Variants in SEZ6L observed in about 807,000 individuals in gnomAD.
The protein encoded by SEZ6L is seizure 6-like protein.
Under a neutral mutation model 106.2 loss-of-function variants are expected in SEZ6L, and 37 were observed. That is an observed-to-expected ratio of 0.35 (90% CI 0.27 to 0.46). The LOEUF (loss-of-function observed/expected upper bound fraction) is 0.46, where lower values mean the gene tolerates loss of function less well. Among genes scored for constraint, SEZ6L ranks in the 20% least tolerant of loss-of-function variants. SEZ6L has a pLI of 1.00. For synonymous variants in SEZ6L, 541 were observed against 570.4 expected (o/e 0.95, Z 0.73); for missense variants, 1,172 against 1,332.8 (o/e 0.88, Z 1.88).
chr22:26,375,706 G>A lies in SEZ6L; in HGVS notation c.2942+17G>A, dbSNP rs192334066. The stretch of plus-strand genomic sequence containing the variant: ...CATCACAAGGTAGGGAGCTGATGGG[G>A]GAGATGACTGCCAAGCACCCAGCCA... On this transcript the variant is annotated intron_variant, in intron 15 of 16. Transcript: ENST00000248933. 154 of 1,588,068 alleles carry A rather than the reference G, an allele frequency of 9.7e-5. No individual in the cohort carries two copies. In the East Asian group the frequency reaches 2.6e-3, roughly 27 times the overall value.
chr22:26,355,898 G>T (rs953044732), intron 12 of SEZ6L, among the ~76,000 whole-genome samples: 6 of 152,192 alleles, frequency 3.9e-5, no homozygotes, highest in Non-Finnish European at 7.3e-5. Context: ...GAACAGACAG[G>T]TCAGGCAGAG....
intron 1 of SEZ6L, among the ~76,000 whole-genome samples, chr22:26,259,690 T>C (rs1402508419): frequency 6.6e-6 from 1 of 152,174 alleles, no homozygotes; most frequent in Admixed American, 6.5e-5. Context: ...ATAGCTCAAG[T>C]ATTTAAAGGA....
rs567710391 is a variant in SEZ6L, at chr22:26,211,573, G to GT, written c.94+41817dup. On this transcript the variant is annotated intron_variant, in intron 1 of 16. Transcript: ENST00000248933. ...TACCTTACAAATAATTCAGTCCAGT[G>GT]TTTTTTTCCATCAGGAGCCAATAGA... is the stretch of plus-strand genomic sequence containing the variant. Among the ~76,000 whole-genome samples, 572 of 152,176 alleles carry GT rather than the reference G, an allele frequency of 3.8e-3. 4 individuals are homozygous for GT. Among genetic ancestry groups the GT allele is most frequent in the African/African-American group, 0.012 (503 of 41,514 alleles).
chr22:26,315,189 G>A (rs1258543865), intron 9 of SEZ6L, among the ~76,000 whole-genome samples: 2 of 152,214 alleles, frequency 1.3e-5, no homozygotes, highest in Non-Finnish European at 2.9e-5. Context: ...GACACAGCAA[G>A]TGTCCTTAGT....
chr22:26,338,867 C>CTTTT (rs71192914), intron 9 of SEZ6L, among the ~76,000 whole-genome samples: 1 of 87,482 alleles, frequency 1.1e-5, no homozygotes, highest in Admixed American at 1.5e-4. Context: ...TTTTTTTTTT[C>CTTTT]TTTTTTTTTT....
At chr22:26,342,211 G>A (rs539540748) in intron 10 of SEZ6L, among the ~76,000 whole-genome samples, 16 of 152,252 alleles carry the variant, frequency 1.1e-4, no homozygotes, top group South Asian at 1.0e-3. Context: ...GGCAGGATTC[G>A]GCCAGTGATT....
chr22:26,369,634 C>T (rs892506278), intron 13 of SEZ6L, among the ~76,000 whole-genome samples: 66 of 151,920 alleles, frequency 4.3e-4, no homozygotes, highest in African/African-American at 1.5e-3. Context: ...TCACTGCGCC[C>T]GGCCGTAAGC....
At chr22:26,199,053 G>C (rs2145673880) in intron 1 of SEZ6L, among the ~76,000 whole-genome samples, 1 of 152,338 alleles carries the variant, frequency 6.6e-6, no homozygotes, top group South Asian at 2.1e-4. Flanking sequence ...GGACAAGTCA[G>C]AGATTATCAG....
chr22:26,240,092 TCACACACACACACA>T (rs1556193806), intron 1 of SEZ6L, among the ~76,000 whole-genome samples: 1 of 116,138 alleles, frequency 8.6e-6, no homozygotes, highest in Non-Finnish European at 1.7e-5. Flanking sequence ...ACACACACAC[TCACACACACACACA>T]CACACACACA....
intron 12 of SEZ6L, among the ~76,000 whole-genome samples, chr22:26,364,464 A>T (rs1014939642): frequency 6.7e-6 from 1 of 149,208 alleles, no homozygotes; most frequent in East Asian, 2.0e-4. Flanking sequence ...GTGGCGGGAC[A>T]CGCCTATAGT....
chr22:26,249,808 G>A (rs145306939), intron 1 of SEZ6L, among the ~76,000 whole-genome samples: 2 of 152,154 alleles, frequency 1.3e-5, no homozygotes, highest in African/African-American at 4.8e-5. Context: ...GTGTATAAGA[G>A]TTCTTTCTAT....
chr22:26,331,775 G>C (rs1054137245), intron 9 of SEZ6L, among the ~76,000 whole-genome samples: 4 of 152,150 alleles, frequency 2.6e-5, no homozygotes, highest in Non-Finnish European at 5.9e-5. Context: ...CTGAGGTCAG[G>C]AGTTTGAGAA....
chr22:26,265,760 A>G (rs2080155916), intron 1 of SEZ6L, among the ~76,000 whole-genome samples: 1 of 152,178 alleles, frequency 6.6e-6, no homozygotes, highest in South Asian at 2.1e-4. Context: ...CTTCTTCTTA[A>G]GGGCTTGGGT....
chr22:26,377,815 C>A, intron 16 of SEZ6L, 40 bp downstream of exon 16: 1 of 1,404,562 alleles, frequency 7.1e-7, no homozygotes, highest in Non-Finnish European at 1.0e-6. Flanking sequence ...TTCCCTCCCT[C>A]TTTGCTCTGA....
intron 2 of SEZ6L, 107 bp downstream of exon 2, chr22:26,293,253 A>T (rs1227477847): frequency 1.4e-6 from 2 of 1,403,168 alleles, no homozygotes; most frequent in African/African-American, 2.9e-5. Context: ...CCCCACCATC[A>T]GTTACCGTCC....
At chr22:26,348,144 G>A (rs2083071930) in intron 11 of SEZ6L, among the ~76,000 whole-genome samples, 1 of 152,166 alleles carries the variant, frequency 6.6e-6, no homozygotes. Flanking sequence ...TAAGCTGGGT[G>A]TGAGACATTA....
Position 26,311,851 on chromosome 22 carries a change from A to G in SEZ6L, c.1765A>G (p.Ile589Val), listed in dbSNP as rs1437331688. 1 of 1,614,158 alleles carries G rather than the reference A, an allele frequency of 6.2e-7. No homozygotes were observed. Among genetic ancestry groups the G allele is most frequent in the Non-Finnish European group, 8.5e-7 (1 of 1,180,024 alleles). ...TSDPTYNIGT[I>V]VEFTCDPGHS... is the part of the protein sequence containing the mutation. Reference sequence around the variant, plus strand: ...CGACCCGACCTATAACATTGGGACTATAGTGGAGTTCACCTGCGACCCCGG... The same window carrying G: ...CGACCCGACCTATAACATTGGGACTGTAGTGGAGTTCACCTGCGACCCCGG... The change falls in exon 8 of 17, where the codon ATA becomes GTA. Residue 589 changes from isoleucine (I) to valine (V), a missense_variant. Transcript: ENST00000248933.
intron 1 of SEZ6L, among the ~76,000 whole-genome samples, chr22:26,182,841 A>G (rs555629432): frequency 6.6e-6 from 1 of 152,002 alleles, no homozygotes; most frequent in African/African-American, 2.4e-5. Context: ...CTGTTGTTTT[A>G]TAATCAAATT....
At chr22:26,230,682 G>A (rs2078771693) in intron 1 of SEZ6L, among the ~76,000 whole-genome samples, 1 of 152,238 alleles carries the variant, frequency 6.6e-6, no homozygotes, top group South Asian at 2.1e-4. Flanking sequence ...TGAGGCTTCA[G>A]TGAGGAGGGG....
Sources: allele counts gnomAD v4.1 joint callset (sites outside exome capture counted in the v4.1 genomes callset), GRCh38; gene constraint gnomAD v4.1.1; transcripts MANE v1.5; gene names NCBI Gene and HGNC (gene_info 2026-07-23, HGNC 2026-07-21).